Variants in ZNF248 observed in about 807,000 individuals in gnomAD.
ZNF248 encodes zinc finger protein 248, also known as KRAB protein domain.
In ZNF248, 20 loss-of-function variants were observed where a neutral mutation model predicts 44.3. That is an observed-to-expected ratio of 0.45 (90% confidence interval 0.32 to 0.66). The LOEUF (loss-of-function observed/expected upper bound fraction) is 0.66. Among genes scored for constraint, ZNF248 ranks in the 30% least tolerant of loss-of-function variants. The probability of loss-of-function intolerance (pLI) is 0.04; values close to 1 mark genes in which losing one functional copy is unlikely to be tolerated. For synonymous variants in ZNF248, 224 were observed against 229.0 expected, an observed-to-expected ratio of 0.98 and a Z score of 0.20; for missense variants, 654 against 677.0, an observed-to-expected ratio of 0.97 and a Z score of 0.38.
At chr10:37,846,210 G>A (rs2059292803) in intron 3 of ZNF248, among the ~76,000 whole-genome samples, 2 of 152,298 alleles carry the variant, frequency 1.3e-5, no homozygotes, top group South Asian at 4.1e-4. Flanking sequence ...CTTTTTCTGT[G>A]TGCTTGGTGA....
intron 6 of ZNF248, among the ~76,000 whole-genome samples, chr10:37,816,226 C>G (rs1462678229): frequency 6.6e-6 from 1 of 152,184 alleles, no homozygotes; most frequent in African/African-American, 2.4e-5. Flanking sequence ...AGGGGAAGGA[C>G]TTGCAACAAT....
intron 6 of ZNF248, among the ~76,000 whole-genome samples, chr10:37,818,326 T>C (rs1465735166): frequency 2.6e-5 from 4 of 152,194 alleles, no homozygotes; most frequent in Admixed American, 2.0e-4. Flanking sequence ...TTTTTCTTTT[T>C]AGTTTTTTCC....
chr10:37,850,422 T>C (rs1331396293), intron 3 of ZNF248, among the ~76,000 whole-genome samples: 1 of 152,192 alleles, frequency 6.6e-6, no homozygotes, highest in Non-Finnish European at 1.5e-5. Flanking sequence ...CCAACAAGGA[T>C]TTTTATAAGC....
chr10:37,784,389 G>C (rs571478768), intron 6 of ZNF248, among the ~76,000 whole-genome samples: 1 of 152,144 alleles, frequency 6.6e-6, no homozygotes, highest in South Asian at 2.1e-4. Context: ...GAGCCTTCAC[G>C]CTGTCTCCTG....
intron 3 of ZNF248, among the ~76,000 whole-genome samples, chr10:37,850,870 G>A (rs965230443): frequency 6.6e-6 from 1 of 151,624 alleles, no homozygotes; most frequent in Non-Finnish European, 1.5e-5. Flanking sequence ...CAAAAAAAAA[G>A]AGAAAATCTT....
downstream of ZNF248, among the ~76,000 whole-genome samples, chr10:37,826,676 T>C (rs1345254150): frequency 6.6e-6 from 1 of 152,256 alleles, no homozygotes; most frequent in African/African-American, 2.4e-5. Flanking sequence ...TCAATTCATC[T>C]ACAGTTAATT....
intron 6 of ZNF248, among the ~76,000 whole-genome samples, chr10:37,793,354 T>C (rs1231890713): frequency 6.6e-6 from 1 of 151,908 alleles, no homozygotes; most frequent in African/African-American, 2.4e-5. Flanking sequence ...TATTCAAAAA[T>C]AAAACTTTTA....
intron 6 of ZNF248, among the ~76,000 whole-genome samples, chr10:37,805,888 T>A (rs913553587): frequency 6.6e-6 from 1 of 152,182 alleles, no homozygotes; most frequent in Non-Finnish European, 1.5e-5. Flanking sequence ...TGGTACAGTA[T>A]TCAGATTCTT....
At chr10:37,785,180 T>C (rs76852664) in intron 6 of ZNF248, among the ~76,000 whole-genome samples, 1 of 152,268 alleles carries the variant, frequency 6.6e-6, no homozygotes, top group Non-Finnish European at 1.5e-5. Context: ...AACATAACAC[T>C]GTGTGGGGTT....
intron 6 of ZNF248, among the ~76,000 whole-genome samples, chr10:37,779,341 G>A (rs2046998889): frequency 6.6e-6 from 1 of 152,190 alleles, no homozygotes; most frequent in South Asian, 2.1e-4. Context: ...TCATCCCTGG[G>A]ATGCAAGGCT....
intron 3 of ZNF248, among the ~76,000 whole-genome samples, chr10:37,839,355 T>C (rs993846621): frequency 6.6e-6 from 1 of 152,098 alleles, no homozygotes; most frequent in African/African-American, 2.4e-5. Flanking sequence ...TGACTATGGG[T>C]CTACAAGAAA....
At chr10:37,844,901 T>C (rs1182978187) in intron 3 of ZNF248, among the ~76,000 whole-genome samples, 2 of 100,758 alleles carry the variant, frequency 2.0e-5, no homozygotes, top group African/African-American at 7.9e-5. Flanking sequence ...TCCTTTCCTT[T>C]TCTTTTCCCT....
intron 6 of ZNF248, among the ~76,000 whole-genome samples, chr10:37,784,334 A>G (rs1181533184): frequency 6.6e-6 from 1 of 152,208 alleles, no homozygotes. Flanking sequence ...TCTTTTACTC[A>G]GCCCTTGAGT....
At chr10:37,847,088 T>A (rs1012990263) in intron 3 of ZNF248, among the ~76,000 whole-genome samples, 6 of 152,200 alleles carry the variant, frequency 3.9e-5, no homozygotes, top group Admixed American at 6.5e-5. Flanking sequence ...CAAGCTGGAG[T>A]GCAGTGGCAC....
chr10:37,790,270 C>CAAA (rs35082361), intron 6 of ZNF248, among the ~76,000 whole-genome samples: 1 of 90,992 alleles, frequency 1.1e-5, no homozygotes, highest in Non-Finnish European at 2.2e-5. Flanking sequence ...GACTCTGTGT[C>CAAA]AAAAAAAAAA....
the ZNF248 span, among the ~76,000 whole-genome samples, chr10:37,765,299 G>A: frequency 6.6e-6 from 1 of 152,094 alleles, no homozygotes; most frequent in Non-Finnish European, 1.5e-5. Context: ...GCTGTTTAGG[G>A]AATGGAATTA....
downstream of ZNF248, among the ~76,000 whole-genome samples, chr10:37,774,561 G>T (rs2046433586): frequency 6.6e-6 from 1 of 152,106 alleles, no homozygotes; most frequent in Non-Finnish European, 1.5e-5. Flanking sequence ...AGAACATGAA[G>T]CAGACGGAAG....
the ZNF248 span, among the ~76,000 whole-genome samples, chr10:37,761,909 A>G: frequency 1.3e-5 from 2 of 152,316 alleles, no homozygotes; most frequent in African/African-American, 4.8e-5. Context: ...CATCAATCCA[A>G]CTGCTTCCCA....
intron 6 of ZNF248, among the ~76,000 whole-genome samples, chr10:37,806,965 A>T (rs1377210736): frequency 2.0e-5 from 3 of 148,572 alleles, no homozygotes; most frequent in African/African-American, 7.5e-5. Context: ...TTGCATGTCA[A>T]TACCCAGTTT....
Sources: allele counts gnomAD v4.1 joint callset (sites outside exome capture counted in the v4.1 genomes callset), GRCh38; gene constraint gnomAD v4.1.1; transcripts MANE v1.5; gene names NCBI Gene and HGNC (gene_info 2026-07-23, HGNC 2026-07-21).